Variants in KLF14 observed in about 807,000 individuals in gnomAD.
KLF14 encodes the protein KLF transcription factor 14, also known as Krueppel-like factor 14.
In KLF14, 13 loss-of-function variants were observed where a neutral mutation model predicts 16.2. The ratio of observed to expected loss-of-function variants is 0.80; its 90% confidence interval spans 0.52 to 1.28. KLF14 has a LOEUF of 1.28. Ranked by LOEUF, KLF14 falls within the 50% of genes most tolerant of loss-of-function variation. The pLI, the probability that KLF14 is intolerant of heterozygous loss-of-function variation, is 0.00. For missense variants in KLF14, 571 were observed against 493.4 expected, an observed-to-expected ratio of 1.16 and a Z score of -1.49; for synonymous variants, 276 against 233.7, an observed-to-expected ratio of 1.18 and a Z score of -1.65.
Position 130,732,277 on chromosome 7 carries a change from A to G in KLF14, c.*785T>C, listed in dbSNP as rs573338278. On this transcript the variant is annotated 3_prime_UTR_variant, in exon 1 of 1. Transcript: ENST00000583337. ...CTTTACGGTAGTTTTCAAATTGTTTAACCAATCTCAGCGTGAGAGTGAGCC... is the reference window on the plus strand; with the variant it reads ...CTTTACGGTAGTTTTCAAATTGTTTGACCAATCTCAGCGTGAGAGTGAGCC... The G allele has an allele frequency of 1.3e-5, 2 of 152,322 alleles. No individual in the cohort carries two copies. The highest frequency in any genetic ancestry group is 4.8e-5 in the African/African-American group (2 of 41,564). The allele number at this position is 152,322 out of a possible 1,614,324, so 9.4% of individuals were successfully genotyped here.
Position 130,733,477 on chromosome 7 carries a change from C to A in KLF14, c.557G>T (p.Arg186Met). The change falls in exon 1 of 1, where the codon AGG (arginine) becomes ATG (methionine). Residue 186 changes from arginine (R) to methionine (M), a missense_variant. By Grantham distance (91) the Arg-to-Met change is moderately conservative (BLOSUM62 -1). Coordinates refer to ENST00000583337, the MANE Select transcript of KLF14 (RefSeq NM_138693.4). This position sits in a 1 kb window ranked among gnomAD's most constrained non-coding sequence, Gnocchi z 5.2. The part of the protein sequence containing the change: ...APAADQAPRR[R>M]SVTPAAKRHQ... ...GCGCTTGGCAGCAGGTGTGACAGACCTCCTCCGGGGCGCCTGATCCGCGGC... is the reference window on the plus strand; with the variant it reads ...GCGCTTGGCAGCAGGTGTGACAGACATCCTCCGGGGCGCCTGATCCGCGGC... The A allele has an allele frequency of 6.2e-7, 1 of 1,611,504 alleles. No homozygotes were observed. The highest frequency in any genetic ancestry group is 1.3e-5 in the African/African-American group (1 of 75,044).
In KLF14 at chr7:130,733,602, G is replaced by A. The variant is rs1554470971; in HGVS notation, c.432C>T (p.Ser144=). Residue 144 remains serine, a synonymous_variant, in exon 1 of 1, where the codon TCC becomes TCT. Transcript: ENST00000583337. The surrounding 1 kb of genome is among the most constrained non-coding windows in gnomAD (Gnocchi z 5.2). The part of the protein sequence containing the change: ...GAAAVCAPES[S]SDAPAVPSAP... ...CGCTTGGGACGGCGGGCGCATCGGA[G>A]GAGCTCTCGGGAGCGCAGACCGCCG... 1.3e-6 allele frequency: 2 copies of A among 1,542,896 alleles called. No homozygotes were observed. The highest frequency in any genetic ancestry group is 1.7e-6 in the Non-Finnish European group (2 of 1,145,878).
In KLF14 at chr7:130,731,658, G is replaced by A. The variant is rs1797189297; in HGVS notation, c.*1404C>T. The A allele has an allele frequency of 6.6e-6, 1 of 152,394 alleles. No individual in the cohort carries two copies. The highest frequency in any genetic ancestry group is 2.1e-4 in the South Asian group (1 of 4,824). The allele number at this position is 152,394 out of a possible 1,614,324, so 9.4% of individuals were successfully genotyped here. ...GACTATTGCAAAATATTCAGGAGGGGGCCAGAGGGGATCTCCCAGGGCAGG... is the reference window on the plus strand; with the variant it reads ...GACTATTGCAAAATATTCAGGAGGGAGCCAGAGGGGATCTCCCAGGGCAGG... On this transcript the variant is annotated 3_prime_UTR_variant, in exon 1 of 1. Coordinates refer to ENST00000583337, the MANE Select transcript of KLF14 (RefSeq NM_138693.4).
At position 130,731,388 on chromosome 7, in the gene KLF14, G is replaced by A. The variant is rs1284925814; in HGVS notation, c.*1674C>T. 2.0e-5 allele frequency: 3 copies of A among 152,264 alleles called. No homozygotes were observed. Among genetic ancestry groups the A allele is most frequent in the Non-Finnish European group, 2.9e-5 (2 of 68,100 alleles). The allele number at this position is 152,264 out of a possible 1,614,324, so 9.4% of individuals were successfully genotyped here. On this transcript the variant is annotated 3_prime_UTR_variant, in exon 1 of 1. Transcript: ENST00000583337. ...ACAGAAGCAATACAGAATAGGGAGC[G>A]AGGGAGGGACTAAGATCCCAGAGAG...
At position 130,733,603 on chromosome 7, in the gene KLF14, G is replaced by T. The variant is rs782792726; in HGVS notation, c.431C>A (p.Ser144Tyr). ...GAAAVCAPES[S>Y]SDAPAVPSAP... Reference sequence around the variant, plus strand: ...GCTTGGGACGGCGGGCGCATCGGAGGAGCTCTCGGGAGCGCAGACCGCCGC... The same window carrying T: ...GCTTGGGACGGCGGGCGCATCGGAGTAGCTCTCGGGAGCGCAGACCGCCGC... The change falls in exon 1 of 1, where the codon TCC (serine) becomes TAC (tyrosine). Residue 144 changes from serine to tyrosine, a missense_variant. Ser to Tyr is a moderately radical substitution (Grantham distance 144). Coordinates refer to ENST00000583337, the MANE Select transcript of KLF14 (RefSeq NM_138693.4). The surrounding 1 kb of genome is among the most constrained non-coding windows in gnomAD (Gnocchi z 5.2). 2 of 1,543,058 alleles carry T rather than the reference G, an allele frequency of 1.3e-6. No homozygotes were observed. The highest frequency in any genetic ancestry group is 4.0e-5 in the Admixed American group (2 of 50,478).
rs1376540248 is a variant in KLF14 at position 130,732,220 on chromosome 7, A to T, written c.*842T>A. On this transcript the variant is annotated 3_prime_UTR_variant, in exon 1 of 1. Coordinates refer to ENST00000583337, the MANE Select transcript of KLF14 (RefSeq NM_138693.4). ...AGTTTTCTCTCTGAGTGAAGGGGGAACTAGTCTGGACCACCCTTTTCTTGC... is the reference window on the plus strand; with the variant it reads ...AGTTTTCTCTCTGAGTGAAGGGGGATCTAGTCTGGACCACCCTTTTCTTGC... 6.6e-6 allele frequency: 1 copy of T among 152,296 alleles called. No individual in the cohort carries two copies. Among genetic ancestry groups the T allele is most frequent in the Non-Finnish European group, 1.5e-5 (1 of 68,068 alleles). The allele number at this position is 152,296 out of a possible 1,614,324, so 9.4% of individuals were successfully genotyped here. A position where few individuals can be genotyped will look rare whatever the true frequency, so the allele number is the denominator to read the frequency against.
In KLF14 at chr7:130,733,570, G is replaced by A. The variant is rs1797236822; in HGVS notation, c.464C>T (p.Ala155Val). ...AGAGGCTGCTGGTGCGCCCGGGGCA[G>A]CAGGCGCGCTTGGGACGGCGGGCGC... ...SDAPAVPSAP[A>V]APGAPAASGG... The change falls in exon 1 of 1, where the codon GCT (alanine) becomes GTT (valine). Residue 155 changes from alanine (A) to valine (V), a missense_variant. Ala to Val is a moderately conservative substitution (Grantham distance 64). Transcript: ENST00000583337. This position sits in a 1 kb window ranked among gnomAD's most constrained non-coding sequence, Gnocchi z 5.2. 2 of 1,553,652 alleles carry A rather than the reference G, an allele frequency of 1.3e-6. No individual in the cohort carries two copies. Among genetic ancestry groups the A allele is most frequent in the South Asian group, 1.2e-5 (1 of 84,818 alleles).
chr7:130,733,209 G>A lies in KLF14; in HGVS notation c.825C>T (p.Arg275=), dbSNP rs782509031. The A allele has an allele frequency of 2.9e-5, 46 of 1,605,732 alleles. No homozygotes were observed. The Admixed American group carries it at 7.7e-4, about 27-fold the overall frequency. ...SRSDHLTKHA[R]RHPTYHPDMI... Reference sequence around the variant, plus strand: ...TATCTGGATGATAGGTTGGGTGGCGGCGAGCATGCTTGGTCAGGTGGTCGC... The same window carrying A: ...TATCTGGATGATAGGTTGGGTGGCGACGAGCATGCTTGGTCAGGTGGTCGC... The change falls in exon 1 of 1, where the codon CGC becomes CGT. Residue 275 remains arginine, a synonymous_variant. Coordinates refer to ENST00000583337, the MANE Select transcript of KLF14 (RefSeq NM_138693.4). This position sits in a 1 kb window ranked among gnomAD's most constrained non-coding sequence, Gnocchi z 5.2.
chr7:130,732,013 G>A lies in KLF14; in HGVS notation c.*1049C>T, dbSNP rs1463198781. 6.6e-6 allele frequency: 1 copy of A among 152,112 alleles called. No homozygotes were observed. The highest frequency in any genetic ancestry group is 1.5e-5 in the Non-Finnish European group (1 of 68,034). 9.4% of individuals were successfully genotyped at this position (152,112 alleles called of 1,614,324 possible). A position where few individuals can be genotyped will look rare whatever the true frequency, so the allele number is the denominator to read the frequency against. Reference sequence around the variant, plus strand: ...CCACCAACTCACCTGTTTCAGAAACGAAAATCTGCAGACTCTGAGGGAAAT... The same window carrying A: ...CCACCAACTCACCTGTTTCAGAAACAAAAATCTGCAGACTCTGAGGGAAAT... On this transcript the variant is annotated 3_prime_UTR_variant, in exon 1 of 1. Transcript: ENST00000583337.
At position 130,733,862 on chromosome 7, in the gene KLF14, G is replaced by C; in HGVS notation, c.172C>G (p.Pro58Ala). Residue 58 changes from proline to alanine, a missense_variant, in exon 1 of 1, where the codon CCG becomes GCG. Transcript: ENST00000583337. The surrounding 1 kb of genome is among the most constrained non-coding windows in gnomAD (Gnocchi z 5.2). ...PESALPGPGP[P>A]GPASVPQLPQ... is the part of the protein sequence containing the mutation. ...AGCTGGGGGACCGACGCGGGCCCCG[G>C]TGGCCCCGGACCCGGCAGAGCGGAC... 1 of 1,334,416 alleles carries C rather than the reference G, an allele frequency of 7.5e-7. No homozygotes were observed. Among genetic ancestry groups the C allele is most frequent in the Non-Finnish European group, 9.5e-7 (1 of 1,052,886 alleles). 82.7% of individuals were successfully genotyped at this position (1,334,416 alleles called of 1,614,324 possible). A position where few individuals can be genotyped will look rare whatever the true frequency, so the allele number is the denominator to read the frequency against.
rs1478596252 is a variant in KLF14 at position 130,734,162 on chromosome 7, C to CCTG, written c.-132_-130dup. The CCTG allele has an allele frequency of 3.4e-4, 135 of 395,288 alleles. No individual in the cohort carries two copies. The highest frequency in any genetic ancestry group is 4.6e-4 in the Non-Finnish European group (130 of 283,758). 24.5% of individuals were successfully genotyped at this position (395,288 alleles called of 1,614,324 possible). On this transcript the variant is annotated 5_prime_UTR_variant, in exon 1 of 1. Transcript: ENST00000583337. This position sits in a 1 kb window ranked among gnomAD's most constrained non-coding sequence, Gnocchi z 4.4. ...GAGGCCGGGTGCTCGCCGCCTGCCGCCTGCTGCCGCCGCCGCCGCCGCAGC... is the reference window on the plus strand; with the variant it reads ...GAGGCCGGGTGCTCGCCGCCTGCCGCCTGCTGCTGCCGCCGCCGCCGCCGCAGC...
Position 130,731,066 on chromosome 7 carries a change from T to C in KLF14, c.*1996A>G, listed in dbSNP as rs2116390729. ...TTCAGGGTCATAGGCCATACTCTTT[T>C]GGTCCTTTCTAAGGACCCCTCCCTC... is the stretch of plus-strand genomic sequence containing the variant. On this transcript the variant is annotated 3_prime_UTR_variant, in exon 1 of 1. Transcript: ENST00000583337. Among the ~76,000 whole-genome samples the C allele has an allele frequency of 6.6e-6, 1 of 152,338 alleles. No individual in the cohort carries two copies. The highest frequency in any genetic ancestry group is 2.1e-4 in the South Asian group (1 of 4,824).
Position 130,733,239 on chromosome 7 carries a change from G to A in KLF14, c.795C>T (p.Ser265=), listed in dbSNP as rs1554470822. 1 of 1,611,362 alleles carries A rather than the reference G, an allele frequency of 6.2e-7. No individual in the cohort carries two copies. The highest frequency in any genetic ancestry group is 1.1e-5 in the South Asian group (1 of 90,556). ...CATGCTTGGTCAGGTGGTCGCTCCG[G>A]GAGAACTGCTTGGGGCAGAGGGGGC... ...FSCPLCPKQF[S]RSDHLTKHAR... is the part of the protein sequence containing the mutation. The change falls in exon 1 of 1, where the codon TCC becomes TCT. Residue 265 remains serine, a synonymous_variant. Transcript: ENST00000583337. The surrounding 1 kb of genome is among the most constrained non-coding windows in gnomAD (Gnocchi z 5.2).
At position 130,733,750 on chromosome 7, in the gene KLF14, C is replaced by T. The variant is rs1554471061; in HGVS notation, c.284G>A (p.Ser95Asn). ...AASVWADLRG[S>N]SGEGSWENSG... ...GTTCTCCCAGGAGCCCTCGCCAGAG[C>T]TGCCGCGCAAGTCCGCCCAGACGCT... Residue 95 changes from serine (S) to asparagine (N), a missense_variant, in exon 1 of 1, where the codon AGC (serine) becomes AAC (asparagine). Transcript: ENST00000583337. The surrounding 1 kb of genome is among the most constrained non-coding windows in gnomAD (Gnocchi z 5.2). The T allele has an allele frequency of 6.5e-7, 1 of 1,535,898 alleles. No individual in the cohort carries two copies. Among genetic ancestry groups the T allele is most frequent in the Admixed American group, 1.9e-5 (1 of 51,568 alleles).
rs1216997855 is a variant in KLF14 at position 130,731,518 on chromosome 7, G to C, written c.*1544C>G. On this transcript the variant is annotated 3_prime_UTR_variant, in exon 1 of 1. Coordinates refer to ENST00000583337, the MANE Select transcript of KLF14 (RefSeq NM_138693.4). ...TCCCAGCAACCTAGCATATGACTTT[G>C]AGCTTATCTAGTCTTCAGTATCCTC... 2 of 152,164 alleles carry C rather than the reference G, an allele frequency of 1.3e-5. No individual in the cohort carries two copies. Among genetic ancestry groups the C allele is most frequent in the Admixed American group, 1.3e-4 (2 of 15,282 alleles). The allele number at this position is 152,164 out of a possible 1,614,324, so 9.4% of individuals were successfully genotyped here.
In KLF14 at chr7:130,733,672, G is replaced by T; in HGVS notation, c.362C>A (p.Ser121Tyr). The change falls in exon 1 of 1, where the codon TCC (serine) becomes TAC (tyrosine). Residue 121 changes from serine (S) to tyrosine (Y), a missense_variant. Coordinates refer to ENST00000583337, the MANE Select transcript of KLF14 (RefSeq NM_138693.4). The surrounding 1 kb of genome is among the most constrained non-coding windows in gnomAD (Gnocchi z 5.2). ...CAGCTCGGAGCACGGGGTCTGGACG[G>T]AGCACGGGATCGGGTCGGAGAAGCC... ...SSGFSDPIPC[S>Y]VQTPCSELAP... The T allele has an allele frequency of 6.4e-7, 1 of 1,569,094 alleles. No individual in the cohort carries two copies.
Position 130,733,808 on chromosome 7 carries a change from C to A in KLF14, c.226G>T (p.Ala76Ser). 1 of 1,457,630 alleles carries A rather than the reference C, an allele frequency of 6.9e-7. No homozygotes were observed. Among genetic ancestry groups the A allele is most frequent in the Non-Finnish European group, 9.0e-7 (1 of 1,111,712 alleles). 90.3% of individuals were successfully genotyped at this position (1,457,630 alleles called of 1,614,324 possible). ...AGCAGGTGGGGCGCGGCGCCGCCCG[C>A]GCCGGGGCTGGGGGCGGGGACCTGC... is the stretch of plus-strand genomic sequence containing the variant. ...LPQVPAPSPG[A>S]GGAAPHLLAA... The change falls in exon 1 of 1, where the codon GCG becomes TCG. Residue 76 changes from alanine (A) to serine (S), a missense_variant. By Grantham distance (99) the Ala-to-Ser change is moderately conservative (BLOSUM62 1). Transcript: ENST00000583337. The surrounding 1 kb of genome is among the most constrained non-coding windows in gnomAD (Gnocchi z 5.2).
rs1797217859 is a variant in KLF14 at position 130,733,024 on chromosome 7, G to A, written c.*38C>T. 6.6e-7 allele frequency: 1 copy of A among 1,521,326 alleles called. No individual in the cohort carries two copies. Among genetic ancestry groups the A allele is most frequent in the African/African-American group, 1.4e-5 (1 of 71,816 alleles). The allele number at this position is 1,521,326 out of a possible 1,614,324, so 94.2% of individuals were successfully genotyped here. A position where few individuals can be genotyped will look rare whatever the true frequency, so the allele number is the denominator to read the frequency against. ...AGAAAGCAGGGACAACGGCCTGGGGGATCATCCTTGAGGGTAAGACTGACA... is the reference window on the plus strand; with the variant it reads ...AGAAAGCAGGGACAACGGCCTGGGGAATCATCCTTGAGGGTAAGACTGACA... On this transcript the variant is annotated 3_prime_UTR_variant, in exon 1 of 1. Transcript: ENST00000583337. The surrounding 1 kb of genome is among the most constrained non-coding windows in gnomAD (Gnocchi z 5.2).
Position 130,733,891 on chromosome 7 carries a change from G to A in KLF14, c.143C>T (p.Pro48Leu), listed in dbSNP as rs1797252906. Reference sequence around the variant, plus strand: ...CCCCGGACCCGGCAGAGCGGACTCCGGCGGCGCCGCACCCACCTCCGAGCC... The same window carrying A: ...CCCCGGACCCGGCAGAGCGGACTCCAGCGGCGCCGCACCCACCTCCGAGCC... ...AAGSEVGAAP[P>L]ESALPGPGPP... The change falls in exon 1 of 1, where the codon CCG becomes CTG. Residue 48 changes from proline (P) to leucine (L), a missense_variant. Coordinates refer to ENST00000583337, the MANE Select transcript of KLF14 (RefSeq NM_138693.4). The surrounding 1 kb of genome is among the most constrained non-coding windows in gnomAD (Gnocchi z 5.2). The A allele has an allele frequency of 5.2e-6, 7 of 1,338,656 alleles. No homozygotes were observed. The highest frequency in any genetic ancestry group is 3.2e-5 in the East Asian group (1 of 30,926). The allele number at this position is 1,338,656 out of a possible 1,614,324, so 82.9% of individuals were successfully genotyped here.
Sources: allele counts gnomAD v4.1 joint callset (sites outside exome capture counted in the v4.1 genomes callset), GRCh38; gene constraint gnomAD v4.1.1; non-coding constraint Gnocchi (gnomAD v3.1); transcripts MANE v1.5; gene names NCBI Gene and HGNC (gene_info 2026-07-23, HGNC 2026-07-21).